The following PHLPP1 variants were observed in gnomAD, a reference collection of about 807,000 sequenced individuals.
PHLPP1 encodes PH domain and leucine rich repeat protein phosphatase 1.
PHLPP1 carries 42 observed loss-of-function variants against 117.2 expected under a neutral mutation model. The ratio of observed to expected loss-of-function variants is 0.36; its 90% CI spans 0.28 to 0.46. The LOEUF is 0.46. Among genes scored for constraint, PHLPP1 ranks in the 20% least tolerant of loss-of-function variants. The pLI is 1.00. For missense variants in PHLPP1, 2,084 were observed against 2,241.9 expected, an observed-to-expected ratio of 0.93 and a Z score of 1.42; for synonymous variants, 1,042 against 970.7, an observed-to-expected ratio of 1.07 and a Z score of -1.37.
chr18:62,949,424 T>C (rs1910390991), intron 12 of PHLPP1, among the ~76,000 whole-genome samples: 1 of 152,204 alleles, frequency 6.6e-6, no homozygotes. Flanking sequence ...CACCATCTAA[T>C]CTTGGATAAA....
intron 8 of PHLPP1, among the ~76,000 whole-genome samples, chr18:62,912,820 C>T (rs899064732): frequency 2.6e-5 from 4 of 152,102 alleles, no homozygotes; most frequent in Non-Finnish European, 4.4e-5. Flanking sequence ...GGGGTTTCAC[C>T]GTGTTGGCCA....
intron 1 of PHLPP1, among the ~76,000 whole-genome samples, chr18:62,733,435 C>T (rs988227966): frequency 1.3e-5 from 2 of 152,106 alleles, no homozygotes; most frequent in African/African-American, 4.8e-5. Context: ...TTTTTATATG[C>T]GCTAGGAAAC....
intron 2 of PHLPP1, among the ~76,000 whole-genome samples, chr18:62,833,533 TAGA>T (rs762440787): frequency 6.6e-6 from 1 of 152,204 alleles, no homozygotes; most frequent in Non-Finnish European, 1.5e-5. Context: ...CCCCTAGCCC[TAGA>T]AGGATTCACT....
At chr18:62,903,201 T>C (rs2144407365) in intron 7 of PHLPP1, 35 bp downstream of exon 7, 1 of 1,415,502 alleles carries the variant, frequency 7.1e-7, no homozygotes, top group East Asian at 2.3e-5. Flanking sequence ...GTTGCTCTTT[T>C]GGTTCCAGGA....
intron 3 of PHLPP1, among the ~76,000 whole-genome samples, chr18:62,848,829 A>T (rs1331816506): frequency 6.6e-6 from 1 of 152,192 alleles, no homozygotes; most frequent in African/African-American, 2.4e-5. Context: ...TTTGCAGATG[A>T]GGGAACTGAT....
intron 14 of PHLPP1, among the ~76,000 whole-genome samples, chr18:62,966,564 G>A (rs1164711596): frequency 2.7e-5 from 4 of 149,070 alleles, no homozygotes; most frequent in African/African-American, 1.0e-4. Context: ...TCCACCTCCC[G>A]GGTTCACGCC....
rs34065978 is a variant in PHLPP1, at chr18:62,918,429, A to AATATATATATATATATATATAT, written c.2805-1512_2805-1511insATATATATATATATATATATAT. Among the ~76,000 whole-genome samples, 1,116 of 140,338 alleles carry AATATATATATATATATATATAT rather than the reference A, an allele frequency of 8.0e-3. 16 individuals are homozygous for AATATATATATATATATATATAT. Among genetic ancestry groups the AATATATATATATATATATATAT allele is most frequent in the African/African-American group, 0.027 (1,005 of 36,878 alleles). The allele number at this position is 140,338 out of a possible 152,430, so 92.1% of individuals were successfully genotyped here. ...TTAGTTATTTATGTGGTAAAGGATA[A>AATATATATATATATATATATAT]ATATATATATATATATATGATGAAC... is the stretch of plus-strand genomic sequence containing the variant. On this transcript the variant is annotated intron_variant, in intron 9 of 16. Coordinates refer to ENST00000262719, the MANE Select transcript of PHLPP1 (RefSeq NM_194449.4).
rs528893252 is a variant in PHLPP1, at chr18:62,729,774, A to T, written c.1576+12515A>T. 2.7e-4 allele frequency among the ~76,000 whole-genome samples: 41 copies of T among 152,358 alleles called. 1 individual carries two copies. In the South Asian group the frequency reaches 7.9e-3, roughly 29 times the overall value. On this transcript the variant is annotated intron_variant, in intron 1 of 16. Coordinates refer to ENST00000262719, the MANE Select transcript of PHLPP1 (RefSeq NM_194449.4). ...CAATGACAAACCAGATGTTATTTTT[A>T]AAAAATTTGAATAAGCAAGTGCAAA...
chr18:62,740,172 G>GGGTA (rs1176747971), intron 1 of PHLPP1, among the ~76,000 whole-genome samples: 152 of 151,410 alleles, frequency 1.0e-3, no homozygotes, highest in African/African-American at 3.7e-3. Context: ...GAGGGAGGGT[G>GGGTA]GGTAGGTCGG....
chr18:62,914,428 CT>C (rs889357512), intron 8 of PHLPP1, among the ~76,000 whole-genome samples: 2 of 152,070 alleles, frequency 1.3e-5, no homozygotes, highest in African/African-American at 4.8e-5. Flanking sequence ...GTCCTTCCTT[CT>C]TTTTAAAAGT....
chr18:62,795,180 T>C (rs1350606343), intron 1 of PHLPP1, among the ~76,000 whole-genome samples: 2 of 152,030 alleles, frequency 1.3e-5, no homozygotes, highest in Non-Finnish European at 2.9e-5. Context: ...TTTTTTACTT[T>C]AAAAATGTAA....
chr18:62,966,106 G>A (rs1910896939), intron 14 of PHLPP1, among the ~76,000 whole-genome samples: 1 of 151,986 alleles, frequency 6.6e-6, no homozygotes, highest in African/African-American at 2.4e-5. Context: ...GTGACCATGG[G>A]CAGTTTCTCA....
intron 14 of PHLPP1, among the ~76,000 whole-genome samples, chr18:62,967,463 T>G (rs1053054369): frequency 6.6e-6 from 1 of 152,164 alleles, no homozygotes; most frequent in African/African-American, 2.4e-5. Flanking sequence ...CTCATTGTGG[T>G]TTTAATTTGC....
chr18:62,810,647 A>G (rs894111302), intron 1 of PHLPP1, among the ~76,000 whole-genome samples: 6 of 152,204 alleles, frequency 3.9e-5, no homozygotes, highest in East Asian at 1.9e-4. Context: ...ATATCTTACT[A>G]TACCATTCAT....
At chr18:62,797,259 G>A (rs1366762368) in intron 1 of PHLPP1, among the ~76,000 whole-genome samples, 2 of 152,044 alleles carry the variant, frequency 1.3e-5, no homozygotes, top group Non-Finnish European at 2.9e-5. Flanking sequence ...CGTAAATATT[G>A]CCCAGCTGTT....
rs1234126319 is a variant in PHLPP1 at position 62,846,041 on chromosome 18, T to C, written c.1899+7132T>C. On this transcript the variant is annotated intron_variant, in intron 3 of 16. Transcript: ENST00000262719. ...CAAGAAGGTGAAACCCCGTCTCCAC[T>C]AAAAATACAAAAAAAAAATTAGCCA... Among the ~76,000 whole-genome samples, 3 of 151,250 alleles carry C rather than the reference T, an allele frequency of 2.0e-5. No homozygotes were observed. The East Asian group carries it at 5.8e-4, about 29-fold the overall frequency.
intron 4 of PHLPP1, among the ~76,000 whole-genome samples, chr18:62,869,252 G>A (rs1568144218): frequency 6.6e-6 from 1 of 152,066 alleles, no homozygotes; most frequent in Non-Finnish European, 1.5e-5. Flanking sequence ...CTTTGAATCA[G>A]GGACTCTGGT....
chr18:62,726,577 TCTG>T (rs1911077954), intron 1 of PHLPP1, among the ~76,000 whole-genome samples: 1 of 149,194 alleles, frequency 6.7e-6, no homozygotes. Flanking sequence ...TCTGTTCTGT[TCTG>T]TTCTTTTTTT....
intron 1 of PHLPP1, among the ~76,000 whole-genome samples, chr18:62,729,673 TAAA>T (rs1194180854): frequency 4.1e-5 from 6 of 145,654 alleles, no homozygotes; most frequent in Non-Finnish European, 6.1e-5. Flanking sequence ...AGACTTCGTC[TAAA>T]AAAAAAAACC....
Sources: gnomAD v4.1 joint callset for allele counts (sites outside exome capture counted in the v4.1 genomes callset) on GRCh38, gnomAD v4.1.1 for gene constraint, MANE v1.5 for transcripts, NCBI Gene and HGNC (gene_info 2026-07-23, HGNC 2026-07-21) for gene names.